TRPM3: variants seen among roughly 807,000 people sequenced by gnomAD.
TRPM3 encodes transient receptor potential cation channel subfamily M member 3.
TRPM3 carries 77 observed loss-of-function variants against 181.2 expected under a neutral mutation model. The ratio of observed to expected loss-of-function variants is 0.42; its 90% CI spans 0.35 to 0.51. The LOEUF (loss-of-function observed/expected upper bound fraction) is 0.51. TRPM3 is among the 20% of genes least tolerant of loss of function. The pLI is 0.01. For missense variants in TRPM3, 1,759 were observed against 2,196.7 expected (o/e 0.80, Z 3.98); for synonymous variants, 745 against 796.4 (o/e 0.94, Z 1.09).
At chr9:71,239,088 C>A (rs947272885) in intron 1 of TRPM3, among the ~76,000 whole-genome samples, 26 of 149,912 alleles carry the variant, frequency 1.7e-4, no homozygotes, top group Non-Finnish European at 2.4e-4. Context: ...AACAAACAAA[C>A]AAAAAAAAAC....
At chr9:70,637,043 C>T (rs1415767935) in intron 11 of TRPM3, among the ~76,000 whole-genome samples, 3 of 152,116 alleles carry the variant, frequency 2.0e-5, no homozygotes, top group Admixed American at 6.5e-5. Context: ...AATGCGGCAA[C>T]GACCTGCCCA....
At chr9:71,240,851 T>C (rs536422264) in intron 1 of TRPM3, among the ~76,000 whole-genome samples, 2 of 152,268 alleles carry the variant, frequency 1.3e-5, no homozygotes, top group African/African-American at 4.8e-5. Context: ...TAGAGTAGTA[T>C]CTAGGTCATG....
chr9:70,838,060 T>C (rs916777791), intron 5 of TRPM3, among the ~76,000 whole-genome samples: 3 of 152,172 alleles, frequency 2.0e-5, no homozygotes, highest in Admixed American at 6.5e-5. Flanking sequence ...GTGGTTATGC[T>C]CATAGAAGTT....
chr9:71,211,161 C>T (rs1167590255), intron 1 of TRPM3, among the ~76,000 whole-genome samples: 1 of 152,154 alleles, frequency 6.6e-6, no homozygotes, highest in Non-Finnish European at 1.5e-5. Flanking sequence ...AAAAAAAATA[C>T]AGTACATTCA....
At chr9:70,800,680 A>G (rs1409996139) in intron 6 of TRPM3, among the ~76,000 whole-genome samples, 1 of 152,036 alleles carries the variant, frequency 6.6e-6, no homozygotes, top group African/African-American at 2.4e-5. Context: ...CTTCCTTATT[A>G]TTTTCTTAAT....
intron 1 of TRPM3, among the ~76,000 whole-genome samples, chr9:71,387,891 C>T (rs577044315): frequency 1.3e-5 from 2 of 152,232 alleles, no homozygotes; most frequent in Non-Finnish European, 2.9e-5. Context: ...TATAACTTTT[C>T]TATTATGTTA....
intron 1 of TRPM3, among the ~76,000 whole-genome samples, chr9:71,113,611 C>T (rs2071631980): frequency 6.6e-6 from 1 of 152,166 alleles, no homozygotes; most frequent in South Asian, 2.1e-4. Context: ...TACCTATCGA[C>T]TACACATTTT....
chr9:71,320,482 T>C (rs1470429140), intron 1 of TRPM3, among the ~76,000 whole-genome samples: 2 of 152,112 alleles, frequency 1.3e-5, no homozygotes, highest in Non-Finnish European at 2.9e-5. Context: ...GGGAAAAATA[T>C]CCTTTTCTTA....
At chr9:70,678,272 T>C (rs1185442375) in intron 9 of TRPM3, among the ~76,000 whole-genome samples, 3 of 152,120 alleles carry the variant, frequency 2.0e-5, no homozygotes. Context: ...TCTTTTTCTT[T>C]CTTTTCTTTT....
At chr9:71,125,918 A>C (rs2074004239), upstream of TRPM3, among the ~76,000 whole-genome samples, 1 of 152,214 alleles carries the variant, frequency 6.6e-6, no homozygotes, top group Non-Finnish European at 1.5e-5. Flanking sequence ...AGAAACTATC[A>C]TCAGAGTGAA....
chr9:70,767,654 G>A lies in TRPM3; in HGVS notation c.1149-5930C>T, dbSNP rs147861196. ...GCTCAACTGTGGCCATATGTTTGGGGCCTCAATTCTGTTCCATGTGGCATC... is the reference window on the plus strand; with the variant it reads ...GCTCAACTGTGGCCATATGTTTGGGACCTCAATTCTGTTCCATGTGGCATC... On this transcript the variant is annotated intron_variant, in intron 7 of 25. Coordinates refer to ENST00000677713, the MANE Select transcript of TRPM3 (RefSeq NM_001366145.2). Among the ~76,000 whole-genome samples the A allele has an allele frequency of 4.0e-3, 606 of 152,216 alleles. 4 individuals are homozygous for A. Among genetic ancestry groups the A allele is most frequent in the Non-Finnish European group, 6.9e-3 (468 of 68,020 alleles).
chr9:71,272,427 C>T (rs1022878877), intron 1 of TRPM3, among the ~76,000 whole-genome samples: 16 of 152,182 alleles, frequency 1.1e-4, no homozygotes, highest in Admixed American at 7.9e-4. Flanking sequence ...ATGTACTAAC[C>T]GCTTTTCCTA....
intron 1 of TRPM3, among the ~76,000 whole-genome samples, chr9:71,370,952 A>G (rs750036576): frequency 8.4e-4 from 128 of 152,266 alleles, no homozygotes; most frequent in Admixed American, 1.4e-3. Context: ...GAATTATACT[A>G]AATCTACTCT....
chr9:70,542,379 T>G (rs751430688), intron 25 of TRPM3, among the ~76,000 whole-genome samples: 10 of 152,178 alleles, frequency 6.6e-5, no homozygotes, highest in Non-Finnish European at 1.3e-4. Context: ...TTTATTGAAA[T>G]TTCCCTCTTT....
intron 3 of TRPM3, among the ~76,000 whole-genome samples, chr9:70,859,117 G>C (rs2095461226): frequency 6.6e-6 from 1 of 152,190 alleles, no homozygotes; most frequent in African/African-American, 2.4e-5. Flanking sequence ...CCCATCCACT[G>C]AGAGTTGGGG....
chr9:71,186,721 T>C (rs1265120106), intron 1 of TRPM3, among the ~76,000 whole-genome samples: 2 of 152,078 alleles, frequency 1.3e-5, no homozygotes, highest in Non-Finnish European at 2.9e-5. Flanking sequence ...AGAAACATAT[T>C]AGGAGCTATT....
chr9:70,920,055 G>C (rs1181564514), intron 1 of TRPM3, among the ~76,000 whole-genome samples: 1 of 152,114 alleles, frequency 6.6e-6, no homozygotes, highest in Non-Finnish European at 1.5e-5. Flanking sequence ...AGTCCAATGG[G>C]GAGGCTAGGG....
intron 1 of TRPM3, among the ~76,000 whole-genome samples, chr9:70,913,711 A>AT (rs531675543): frequency 4.6e-5 from 7 of 151,742 alleles, no homozygotes; most frequent in South Asian, 2.1e-4. Flanking sequence ...TAATGGATGA[A>AT]TTTTTTTTTG....
At chr9:70,665,975 G>A (rs2061788533) in intron 9 of TRPM3, among the ~76,000 whole-genome samples, 1 of 152,100 alleles carries the variant, frequency 6.6e-6, no homozygotes, top group South Asian at 2.1e-4. Flanking sequence ...ATCTATTCCC[G>A]CAAGATTTGG....
Sources: gnomAD v4.1 joint callset for allele counts (sites outside exome capture counted in the v4.1 genomes callset) on GRCh38, gnomAD v4.1.1 for gene constraint, MANE v1.5 for transcripts, NCBI Gene and HGNC (gene_info 2026-07-23, HGNC 2026-07-21) for gene names.